Variants in FBXL2 observed in about 807,000 individuals in gnomAD.
FBXL2 encodes the protein F-box and leucine rich repeat protein 2, also known as F-box/LRR-repeat protein 2.
A neutral mutation model predicts 69.2 loss-of-function variants in FBXL2; 38 were observed. The ratio of observed to expected loss-of-function variants is 0.55; its 90% CI spans 0.42 to 0.72. The LOEUF (loss-of-function observed/expected upper bound fraction) is 0.72, where lower values mean the gene tolerates loss of function less well. Among genes scored for constraint, FBXL2 ranks in the 30% least tolerant of loss-of-function variants. FBXL2 has a pLI of 0.00. For missense variants in FBXL2, 354 were observed against 520.3 expected (o/e 0.68, Z 3.11); for synonymous variants, 192 against 201.3 (o/e 0.95, Z 0.39).
At chr3:33,324,730 G>A (rs893926022) in intron 2 of FBXL2, among the ~76,000 whole-genome samples, 2 of 152,146 alleles carry the variant, frequency 1.3e-5, no homozygotes, top group South Asian at 4.1e-4. Flanking sequence ...TTGAAGTCGG[G>A]TAGTGTGATG....
rs1435922698 is a variant in FBXL2, at chr3:33,277,587, C to T, written c.3+72C>T. 1.0e-5 allele frequency: 13 copies of T among 1,242,398 alleles called. No homozygotes were observed. In the South Asian group the frequency reaches 1.6e-4, roughly 15 times the overall value. The allele number at this position is 1,242,398 out of a possible 1,614,324, so 77.0% of individuals were successfully genotyped here. ...CCGGGCTGGGTCCGCACGCCGCCGC[C>T]CGCTAGGGTCGGGCAGGCGGCGCAG... On this transcript the variant is annotated intron_variant, in intron 1 of 14. Coordinates refer to ENST00000484457, the MANE Select transcript of FBXL2 (RefSeq NM_012157.5).
At chr3:33,277,647 C>T (rs1381885071) in intron 1 of FBXL2, 132 bp downstream of exon 1, 1 of 995,718 alleles carries the variant, frequency 1.0e-6, no homozygotes, top group African/African-American at 1.7e-5. Context: ...GCCTGCGAGG[C>T]TGCTGGGCAG....
intron 12 of FBXL2, chr3:33,396,908 T>C (rs1424807335): frequency 1.2e-6 from 1 of 808,672 alleles, no homozygotes; most frequent in East Asian, 2.7e-5. Flanking sequence ...AGTCTTCTTG[T>C]GAGCACAATG....
the FBXL2 span, among the ~76,000 whole-genome samples, chr3:33,417,079 A>G: frequency 6.6e-6 from 1 of 152,206 alleles, no homozygotes; most frequent in Non-Finnish European, 1.5e-5. Flanking sequence ...CTCTTACACT[A>G]AACTTTTATT....
At chr3:33,411,969 C>T in the FBXL2 span, among the ~76,000 whole-genome samples, 5 of 151,928 alleles carry the variant, frequency 3.3e-5, no homozygotes, top group East Asian at 9.7e-4. Context: ...GGTGGATAAC[C>T]CGAGGTCAGG....
chr3:33,358,552 AC>A (rs1311831147), intron 2 of FBXL2, among the ~76,000 whole-genome samples: 3 of 152,168 alleles, frequency 2.0e-5, no homozygotes, highest in South Asian at 2.1e-4. Context: ...GCAAACAAAT[AC>A]TTCAAACCAA....
chr3:33,355,333 TAAAG>T (rs554188935), intron 2 of FBXL2, among the ~76,000 whole-genome samples: 11 of 152,312 alleles, frequency 7.2e-5, no homozygotes, highest in South Asian at 4.1e-4. Context: ...TGTGAAAAAT[TAAAG>T]AAATCCTAAA....
chr3:33,280,207 T>G (rs991007264), intron 1 of FBXL2, among the ~76,000 whole-genome samples: 1 of 152,188 alleles, frequency 6.6e-6, no homozygotes, highest in African/African-American at 2.4e-5. Context: ...AGATCAGCAT[T>G]CTTACTCACA....
At chr3:33,330,609 C>T (rs116081043) in intron 2 of FBXL2, among the ~76,000 whole-genome samples, 1,964 of 152,082 alleles carry the variant, frequency 0.013, 40 homozygotes, top group African/African-American at 0.045. Flanking sequence ...CGACATGTGG[C>T]GGGTGCAGTG....
rs1486102008 is a variant in FBXL2, at chr3:33,364,605, C to T, written c.196-20C>T. On this transcript the variant is annotated intron_variant, in intron 4 of 14. Coordinates refer to ENST00000484457, the MANE Select transcript of FBXL2 (RefSeq NM_012157.5). ...CATGAAAAAACAGTATTTTTTCCTC[C>T]CGAACTTTCTTGATTAAAGGGTCGA... The T allele has an allele frequency of 2.5e-6, 4 of 1,606,800 alleles. No individual in the cohort carries two copies. The South Asian group carries it at 4.4e-5, about 18-fold the overall frequency.
chr3:33,307,438 A>T (rs2036818500), intron 2 of FBXL2, among the ~76,000 whole-genome samples: 1 of 152,206 alleles, frequency 6.6e-6, no homozygotes. Context: ...CAAATGCAGT[A>T]TATGATCCTG....
Position 33,402,991 on chromosome 3 carries a change from C to G in FBXL2, n.1215-243C>G. The G allele has an allele frequency of 2.6e-6, 3 of 1,161,452 alleles. No homozygotes were observed. The Admixed American group carries it at 6.2e-5, about 24-fold the overall frequency. 71.9% of individuals were successfully genotyped at this position (1,161,452 alleles called of 1,614,324 possible). A position where few individuals can be genotyped will look rare whatever the true frequency, so the allele number is the denominator to read the frequency against. On this transcript the variant is annotated intron_variant and non_coding_transcript_variant, in intron 12 of 12. Coordinates refer to the FBXL2 transcript ENST00000463736. ...TTGTAATTCACTCACTAACCAAATG[C>G]AAGATTATAAAATGCGAGACAGCTG...
intron 2 of FBXL2, among the ~76,000 whole-genome samples, chr3:33,312,481 A>T (rs1424459309): frequency 1.3e-5 from 2 of 152,076 alleles, no homozygotes; most frequent in Non-Finnish European, 2.9e-5. Context: ...GTGGCTGTGC[A>T]TTGGTGTCTA....
downstream of FBXL2, among the ~76,000 whole-genome samples, chr3:33,405,221 T>TTC (rs2044385857): frequency 6.6e-6 from 1 of 152,108 alleles, no homozygotes; most frequent in Non-Finnish European, 1.5e-5. Context: ...GGCATAAAAC[T>TTC]ATGTCATATT....
chr3:33,301,792 C>T (rs1001446089), intron 2 of FBXL2, among the ~76,000 whole-genome samples: 3 of 152,112 alleles, frequency 2.0e-5, no homozygotes, highest in African/African-American at 7.2e-5. Flanking sequence ...TTTGTTGCAA[C>T]CATTATCTAT....
intron 2 of FBXL2, among the ~76,000 whole-genome samples, chr3:33,340,149 A>G (rs1383711858): frequency 6.6e-6 from 1 of 152,210 alleles, no homozygotes; most frequent in Non-Finnish European, 1.5e-5. Flanking sequence ...GGGTGCATAA[A>G]AAGGCAAAAC....
At chr3:33,301,268 A>C (rs2036272030) in intron 2 of FBXL2, among the ~76,000 whole-genome samples, 1 of 152,164 alleles carries the variant, frequency 6.6e-6, no homozygotes, top group African/African-American at 2.4e-5. Context: ...ATTCACCTTC[A>C]GTCTTACTTC....
chr3:33,319,608 G>A (rs1047940247), intron 2 of FBXL2, among the ~76,000 whole-genome samples: 1 of 152,158 alleles, frequency 6.6e-6, no homozygotes, highest in African/African-American at 2.4e-5. Context: ...TGGAACTTAA[G>A]TGGTTCTCTT....
chr3:33,337,198 C>G (rs1165303153), intron 2 of FBXL2, among the ~76,000 whole-genome samples: 1 of 152,100 alleles, frequency 6.6e-6, no homozygotes, highest in Non-Finnish European at 1.5e-5. Context: ...GAGCAAGACT[C>G]CGTCTCAAAA....
Sources: allele counts gnomAD v4.1 joint callset (sites outside exome capture counted in the v4.1 genomes callset), GRCh38; gene constraint gnomAD v4.1.1; transcripts MANE v1.5; gene names NCBI Gene and HGNC (gene_info 2026-07-23, HGNC 2026-07-21).